Variants in LEFTY2 observed in about 807,000 individuals in gnomAD.
LEFTY2 encodes TGF-beta-4.
Under a neutral mutation model 26.4 loss-of-function variants are expected in LEFTY2, and 10 were observed. The ratio of observed to expected loss-of-function variants is 0.38; its 90% CI spans 0.23 to 0.64. The LOEUF is 0.64. Among genes scored for constraint, LEFTY2 ranks in the 30% least tolerant of loss-of-function variants. The pLI, the probability that LEFTY2 is intolerant of heterozygous loss-of-function variation, is 0.56. For synonymous variants in LEFTY2, 204 were observed against 234.1 expected (o/e 0.87, Z 1.17); for missense variants, 407 against 502.1 (o/e 0.81, Z 1.81).
In LEFTY2 at chr1:225,939,637, CG is replaced by C. The variant is rs1414615804; in HGVS notation, c.498-38del. 6.2e-7 allele frequency: 1 copy of C among 1,612,190 alleles called. No individual in the cohort carries two copies. The highest frequency in any genetic ancestry group is 1.3e-5 in the African/African-American group (1 of 74,932). On this transcript the variant is annotated intron_variant, in intron 2 of 3. Coordinates refer to ENST00000366820, the MANE Select transcript of LEFTY2 (RefSeq NM_003240.5). This position sits in a 1 kb window ranked among gnomAD's most constrained non-coding sequence, Gnocchi z 4.1. Reference sequence around the variant, plus strand: ...TACACACGACACGGAGACCCAGCGCCGCTTGAGGGCGGGGACTGGGACGGGC... The same window carrying C: ...TACACACGACACGGAGACCCAGCGCCCTTGAGGGCGGGGACTGGGACGGGC...
intron 3 of LEFTY2, among the ~76,000 whole-genome samples, chr1:225,938,691 T>A (rs1672216634): frequency 6.6e-6 from 1 of 151,824 alleles, no homozygotes; most frequent in South Asian, 2.1e-4. Flanking sequence ...AAACTTTTTT[T>A]TTTTATTTAT....
chr1:225,939,812 G>A lies in LEFTY2; in HGVS notation c.441C>T (p.Val147=). The A allele has an allele frequency of 6.4e-7, 1 of 1,557,186 alleles. No individual in the cohort carries two copies. The highest frequency in any genetic ancestry group is 8.6e-7 in the Non-Finnish European group (1 of 1,156,712). Residue 147 remains valine, a synonymous_variant, in exon 2 of 4, where the codon GTC becomes GTT. Coordinates refer to ENST00000366820, the MANE Select transcript of LEFTY2 (RefSeq NM_003240.5). This position sits in a 1 kb window ranked among gnomAD's most constrained non-coding sequence, Gnocchi z 4.1. ...SPRSAQARVT[V]EWLRVRDDGS... is the part of the protein sequence containing the mutation. The stretch of plus-strand genomic sequence containing the variant: ...CGTCGTCGCGGACGCGCAGCCACTC[G>A]ACGGTCACCCGGGCCTGGGCGCTGC...
chr1:225,941,052 CTGCCCAGG>C lies in LEFTY2; in HGVS notation c.81_88del (p.Leu28ProfsTer222). ...GCTGAGCTGCAGCTGCCGCAGCAGGCTGCCCAGGAGCTGCTCCTCGGTCAGGGCCGCCC... is the reference window on the plus strand; with the variant it reads ...GCTGAGCTGCAGCTGCCGCAGCAGGCAGCTGCTCCTCGGTCAGGGCCGCCC... On this transcript the variant is annotated frameshift_variant, in exon 1 of 4. Coordinates refer to ENST00000366820, the MANE Select transcript of LEFTY2 (RefSeq NM_003240.5). LOFTEE classifies it high-confidence loss of function. The C allele has an allele frequency of 6.2e-7, 1 of 1,611,730 alleles. No individual in the cohort carries two copies. Among genetic ancestry groups the C allele is most frequent in the Non-Finnish European group, 8.5e-7 (1 of 1,179,380 alleles).
rs1366499593 is a variant in LEFTY2, at chr1:225,940,746, C to T, written c.250+145G>A. On this transcript the variant is annotated intron_variant, in intron 1 of 3. Transcript: ENST00000366820. ...GAGACCCTGGACCCAGGCCCGGCTC[C>T]TCCTCACTGCTCCTTGGACCGTGGC... 3 of 1,283,318 alleles carry T rather than the reference C, an allele frequency of 2.3e-6. No individual in the cohort carries two copies. The East Asian group carries it at 7.1e-5, about 30-fold the overall frequency. The allele number at this position is 1,283,318 out of a possible 1,614,324, so 79.5% of individuals were successfully genotyped here.
At position 225,937,822 on chromosome 1, in the gene LEFTY2, G is replaced by A. The variant is rs772813596; in HGVS notation, c.738-18C>T. On this transcript the variant is annotated intron_variant, in intron 3 of 3. Coordinates refer to ENST00000366820, the MANE Select transcript of LEFTY2 (RefSeq NM_003240.5). ...CCTGAGCTCTGTGTGGGCAAGGAGA[G>A]CAGGGTCAGAGGTCATCTGGGAGGC... 1.9e-5 allele frequency: 29 copies of A among 1,552,042 alleles called. No homozygotes were observed. The highest frequency in any genetic ancestry group is 1.4e-4 in the East Asian group (6 of 42,742).
In LEFTY2 at chr1:225,939,135, TG is replaced by T. The variant is rs1167177679; in HGVS notation, c.737+225del. Among the ~76,000 whole-genome samples, 1 of 152,078 alleles carries T rather than the reference TG, an allele frequency of 6.6e-6. No individual in the cohort carries two copies. The highest frequency in any genetic ancestry group is 2.4e-5 in the African/African-American group (1 of 41,410). ...TCCAGCCCGCCTCGGCCTCCCAAAGTGCTAGGATTACAGGTCTGAGCCACCA... is the reference window on the plus strand; with the variant it reads ...TCCAGCCCGCCTCGGCCTCCCAAAGTCTAGGATTACAGGTCTGAGCCACCA... On this transcript the variant is annotated intron_variant, in intron 3 of 3. Coordinates refer to ENST00000366820, the MANE Select transcript of LEFTY2 (RefSeq NM_003240.5). This position sits in a 1 kb window ranked among gnomAD's most constrained non-coding sequence, Gnocchi z 4.1.
In LEFTY2 at chr1:225,939,497, C is replaced by T. The variant is rs775122326; in HGVS notation, c.601G>A (p.Val201Met). ...SRPRQPLLLQ[V>M]SVQREHLGPL... ...CCCAGATGCTCCCTCTGCACCGACA[C>T]CTGTAGCAGCAGCGGCTGCCGGGGC... Residue 201 changes from valine to methionine, a missense_variant, in exon 3 of 4, where the codon GTG becomes ATG. By Grantham distance (21) the Val-to-Met change is conservative. Coordinates refer to ENST00000366820, the MANE Select transcript of LEFTY2 (RefSeq NM_003240.5). The surrounding 1 kb of genome is among the most constrained non-coding windows in gnomAD (Gnocchi z 4.1). 7 of 1,611,368 alleles carry T rather than the reference C, an allele frequency of 4.3e-6. No homozygotes were observed. The East Asian group carries it at 1.3e-4, about 31-fold the overall frequency.
rs901631654 is a variant in LEFTY2 at position 225,937,240 on chromosome 1, C to G, written c.*201G>C. ...AGCATTTCCTACTAGAGCTCAGCAT[C>G]TGAGCTGCATTATTTACTCACGTAA... On this transcript the variant is annotated 3_prime_UTR_variant, in exon 4 of 4. Coordinates refer to ENST00000366820, the MANE Select transcript of LEFTY2 (RefSeq NM_003240.5). 3 of 723,392 alleles carry G rather than the reference C, an allele frequency of 4.1e-6. No homozygotes were observed. Among genetic ancestry groups the G allele is most frequent in the African/African-American group, 1.8e-5 (1 of 56,674 alleles). The allele number at this position is 723,392 out of a possible 1,614,324, so 44.8% of individuals were successfully genotyped here. A position where few individuals can be genotyped will look rare whatever the true frequency, so the allele number is the denominator to read the frequency against.
chr1:225,937,316 G>C lies in LEFTY2; in HGVS notation c.*125C>G. Reference sequence around the variant, plus strand: ...AAAGACAGGAAATGGAAGGACACAGGGCGAAGGTCACACAGGAGCACTAAA... The same window carrying C: ...AAAGACAGGAAATGGAAGGACACAGCGCGAAGGTCACACAGGAGCACTAAA... On this transcript the variant is annotated 3_prime_UTR_variant, in exon 4 of 4. Coordinates refer to ENST00000366820, the MANE Select transcript of LEFTY2 (RefSeq NM_003240.5). 2.0e-6 allele frequency: 3 copies of C among 1,495,306 alleles called. No homozygotes were observed. Among genetic ancestry groups the C allele is most frequent in the Non-Finnish European group, 2.8e-6 (3 of 1,087,756 alleles). 92.6% of individuals were successfully genotyped at this position (1,495,306 alleles called of 1,614,324 possible). A position where few individuals can be genotyped will look rare whatever the true frequency, so the allele number is the denominator to read the frequency against.
intron 3 of LEFTY2, among the ~76,000 whole-genome samples, chr1:225,938,614 A>C (rs1044140073): frequency 2.0e-5 from 3 of 152,062 alleles, no homozygotes; most frequent in African/African-American, 7.2e-5. Flanking sequence ...TCCACTCCCA[A>C]AGTGCTGGGA....
rs199559277 is a variant in LEFTY2, at chr1:225,937,403, C to T, written c.*38G>A. On this transcript the variant is annotated 3_prime_UTR_variant, in exon 4 of 4. Transcript: ENST00000366820. The stretch of plus-strand genomic sequence containing the variant: ...CCTACATTAAGACCACCTCTATGCA[C>T]ACGTTCAGTTAGAGGGCTCAATGGA... 2.2e-5 allele frequency: 35 copies of T among 1,613,380 alleles called. No homozygotes were observed. The East Asian group carries it at 6.9e-4, about 32-fold the overall frequency.
In LEFTY2 at chr1:225,939,003, C is replaced by A. The variant is rs1432700181; in HGVS notation, c.737+358G>T. Among the ~76,000 whole-genome samples, 3 of 151,382 alleles carry A rather than the reference C, an allele frequency of 2.0e-5. No individual in the cohort carries two copies. Among genetic ancestry groups the A allele is most frequent in the African/African-American group, 7.3e-5 (3 of 41,128 alleles). ...TCTCCTGCCTCAGCCTCCTGAGTAG[C>A]TGGGATTACAGGCACGCGCCACCAC... On this transcript the variant is annotated intron_variant, in intron 3 of 3. Transcript: ENST00000366820. This position sits in a 1 kb window ranked among gnomAD's most constrained non-coding sequence, Gnocchi z 4.1.
In LEFTY2 at chr1:225,937,346, G is replaced by C. The variant is rs1016863943; in HGVS notation, c.*95C>G. 5.7e-6 allele frequency: 9 copies of C among 1,591,856 alleles called. No homozygotes were observed. Among genetic ancestry groups the C allele is most frequent in the Non-Finnish European group, 7.7e-6 (9 of 1,169,212 alleles). ...AGGTCACACAGGAGCACTAAATTGGGATGGAGTAACTTGCTAAGTATAAAG... is the reference window on the plus strand; with the variant it reads ...AGGTCACACAGGAGCACTAAATTGGCATGGAGTAACTTGCTAAGTATAAAG... On this transcript the variant is annotated 3_prime_UTR_variant, in exon 4 of 4. Coordinates refer to ENST00000366820, the MANE Select transcript of LEFTY2 (RefSeq NM_003240.5).
chr1:225,937,349 G>A lies in LEFTY2; in HGVS notation c.*92C>T. On this transcript the variant is annotated 3_prime_UTR_variant, in exon 4 of 4. Transcript: ENST00000366820. The stretch of plus-strand genomic sequence containing the variant: ...TCACACAGGAGCACTAAATTGGGAT[G>A]GAGTAACTTGCTAAGTATAAAGTTA... 1 of 1,594,732 alleles carries A rather than the reference G, an allele frequency of 6.3e-7. No individual in the cohort carries two copies. The highest frequency in any genetic ancestry group is 8.5e-7 in the Non-Finnish European group (1 of 1,171,038).
rs770687570 is a variant in LEFTY2 at position 225,941,120 on chromosome 1, G to A, written c.21C>T (p.Cys7=). 3.2e-6 allele frequency: 5 copies of A among 1,575,060 alleles called. No homozygotes were observed. Among genetic ancestry groups the A allele is most frequent in the Non-Finnish European group, 4.3e-6 (5 of 1,162,398 alleles). Reference sequence around the variant, plus strand: ...CCAGGGGCAGCACCCAGAGTGCCCAGCAGAGCCACAGGGGCCACATGGTGC... The same window carrying A: ...CCAGGGGCAGCACCCAGAGTGCCCAACAGAGCCACAGGGGCCACATGGTGC... MWPLWL[C]WALWVLPLAG... The change falls in exon 1 of 4, where the codon TGC becomes TGT. Residue 7 remains cysteine (C), a synonymous_variant. Coordinates refer to ENST00000366820, the MANE Select transcript of LEFTY2 (RefSeq NM_003240.5).
Position 225,939,832 on chromosome 1 carries a change from C to A in LEFTY2, c.421G>T (p.Ala141Ser). ...HRHGRLSPRS[A>S]QARVTVEWLR... ...CACTCGACGGTCACCCGGGCCTGGG[C>A]GCTGCGCGGGGACAGCCGCCCGTGC... is the stretch of plus-strand genomic sequence containing the variant. The change falls in exon 2 of 4, where the codon GCC (alanine) becomes TCC (serine). Residue 141 changes from alanine (A) to serine (S), a missense_variant. Transcript: ENST00000366820. The surrounding 1 kb of genome is among the most constrained non-coding windows in gnomAD (Gnocchi z 4.1). 1 of 1,547,630 alleles carries A rather than the reference C, an allele frequency of 6.5e-7. No homozygotes were observed.
In LEFTY2 at chr1:225,939,686, C is replaced by G; in HGVS notation, c.497+70G>C. On this transcript the variant is annotated intron_variant, in intron 2 of 3. Transcript: ENST00000366820. The surrounding 1 kb of genome is among the most constrained non-coding windows in gnomAD (Gnocchi z 4.1). Reference sequence around the variant, plus strand: ...GGCCCCGAGGACCCTGCACCGCCCCCTGCGTCCCCGCCCCCAAGCCGGGCC... The same window carrying G: ...GGCCCCGAGGACCCTGCACCGCCCCGTGCGTCCCCGCCCCCAAGCCGGGCC... 1 of 1,609,804 alleles carries G rather than the reference C, an allele frequency of 6.2e-7. No individual in the cohort carries two copies. The highest frequency in any genetic ancestry group is 8.5e-7 in the Non-Finnish European group (1 of 1,178,890).
Position 225,937,113 on chromosome 1 carries a change from AG to A in LEFTY2, c.*327del. On this transcript the variant is annotated 3_prime_UTR_variant, in exon 4 of 4. Coordinates refer to ENST00000366820, the MANE Select transcript of LEFTY2 (RefSeq NM_003240.5). ...GTTCTGTTTCCCCAGTTCTAATCATAGGGTATTATTGTTCCAGACTCAGTGA... is the reference window on the plus strand; with the variant it reads ...GTTCTGTTTCCCCAGTTCTAATCATAGGTATTATTGTTCCAGACTCAGTGA... The A allele has an allele frequency of 2.2e-6, 1 of 464,498 alleles. No homozygotes were observed. The highest frequency in any genetic ancestry group is 3.9e-6 in the Non-Finnish European group (1 of 253,684). The allele number at this position is 464,498 out of a possible 1,614,324, so 28.8% of individuals were successfully genotyped here.
At chr1:225,938,886 G>A (rs1436899135) in intron 3 of LEFTY2, among the ~76,000 whole-genome samples, 1 of 31,252 alleles carries the variant, frequency 3.2e-5, no homozygotes, top group Non-Finnish European at 7.8e-5. Context: ...TTTTTTTTTT[G>A]AGACAGAATC....
Sources: gnomAD v4.1 joint callset for allele counts (sites outside exome capture counted in the v4.1 genomes callset) on GRCh38, gnomAD v4.1.1 for gene constraint, Gnocchi (gnomAD v3.1) non-coding constraint, MANE v1.5 for transcripts, NCBI Gene and HGNC (gene_info 2026-07-23, HGNC 2026-07-21) for gene names.